NLRP3: variants seen among roughly 807,000 people sequenced by gnomAD.
NLRP3 encodes NLR family pyrin domain containing 3, also known as NACHT, LRR and PYD domains-containing protein 3.
A neutral mutation model predicts 91.3 loss-of-function variants in NLRP3; 48 were observed. The observed-to-expected ratio is 0.53, with a 90% confidence interval of 0.42 to 0.67. The LOEUF is 0.67. NLRP3 is among the 30% of genes least tolerant of loss of function. NLRP3 has a pLI of 0.00. For synonymous variants in NLRP3, 561 were observed against 507.9 expected (o/e 1.10, Z -1.41); for missense variants, 982 against 1,276.9 (o/e 0.77, Z 3.52).
In NLRP3 at chr1:247,443,987, C is replaced by T; in HGVS notation, c.2679C>T (p.Gly893=). The T allele has an allele frequency of 6.2e-7, 1 of 1,614,092 alleles. No individual in the cohort carries two copies. Among genetic ancestry groups the T allele is most frequent in the Non-Finnish European group, 8.5e-7 (1 of 1,179,996 alleles). ...CCTTCTACAGGTTGGTGAATTCTGG[C>T]CTTACGTCAGTCTGTTGTTCAGCTT... The part of the protein sequence containing the change: ...NLQKLGLVNS[G]LTSVCCSALS... The change falls in exon 8 of 10, where the codon GGC becomes GGT. Residue 893 remains glycine, a synonymous_variant. Transcript: ENST00000336119.
Position 247,425,544 on chromosome 1 carries a change from C to T in NLRP3, c.2095C>T (p.Leu699Phe), listed in dbSNP as rs536840312. 2 of 1,612,948 alleles carry T rather than the reference C, an allele frequency of 1.2e-6. No individual in the cohort carries two copies. Among genetic ancestry groups the T allele is most frequent in the East Asian group, 4.5e-5 (2 of 44,876 alleles). Residue 699 changes from leucine to phenylalanine, a missense_variant, in exon 4 of 10, where the codon CTT becomes TTT. Physicochemically the swap from Leu to Phe is conservative, Grantham distance 22. Coordinates refer to ENST00000336119, the MANE Select transcript of NLRP3 (RefSeq NM_001243133.2). The surrounding 1 kb of genome is among the most constrained non-coding windows in gnomAD (Gnocchi z 4.1). ...GGAGGAGGAAAAGGAAGGCCGACAC[C>T]TTGATATGGTGCAGTGTGTCCTCCC... ...EEEEEKEGRH[L>F]DMVQCVLPSS...
chr1:247,431,526 G>A (rs994339610), intron 5 of NLRP3, among the ~76,000 whole-genome samples: 2 of 152,134 alleles, frequency 1.3e-5, no homozygotes, highest in African/African-American at 2.4e-5. Context: ...GCCTGGACAC[G>A]CAGTGACCTC....
At chr1:247,430,546 G>C (rs1558197472) in intron 5 of NLRP3, among the ~76,000 whole-genome samples, 1 of 152,098 alleles carries the variant, frequency 6.6e-6, no homozygotes, top group Non-Finnish European at 1.5e-5. Context: ...AAATTTTTGG[G>C]GGGGCACAGT....
chr1:247,428,887 T>A (rs912632353), intron 4 of NLRP3, among the ~76,000 whole-genome samples: 8 of 101,372 alleles, frequency 7.9e-5, no homozygotes, highest in African/African-American at 2.0e-4. Context: ...GGCTTGCGAT[T>A]TTCTTTTTCT....
At chr1:247,429,819 G>A in intron 5 of NLRP3, 64 bp downstream of exon 5, 1 of 1,577,482 alleles carries the variant, frequency 6.3e-7, no homozygotes, top group East Asian at 2.2e-5. Flanking sequence ...GAGAGAAACA[G>A]ACTGGAGAAA....
chr1:247,445,736 T>G (rs1664546060), intron 9 of NLRP3, among the ~76,000 whole-genome samples: 1 of 152,200 alleles, frequency 6.6e-6, no homozygotes, highest in Non-Finnish European at 1.5e-5. Context: ...CATGCTCTCC[T>G]GGGTTTTCTC....
chr1:247,427,189 G>A (rs1572178692), intron 4 of NLRP3, among the ~76,000 whole-genome samples: 1 of 152,224 alleles, frequency 6.6e-6, no homozygotes, highest in South Asian at 2.1e-4. Flanking sequence ...GCTCTCTGGG[G>A]TCCCTTTCCT....
At position 247,418,998 on chromosome 1, in the gene NLRP3, G is replaced by A; in HGVS notation, c.198G>A (p.Trp66Ter). ...ACTTCAATGGGGAGGAGAAGGCGTGGGCCATGGCCGTGTGGATCTTCGCTG... is the reference window on the plus strand; with the variant it reads ...ACTTCAATGGGGAGGAGAAGGCGTGAGCCATGGCCGTGTGGATCTTCGCTG... ...MIDFNGEEKAWAMAVWIFAAI... is the reference protein window; with the variant it reads ...MIDFNGEEKA The change falls in exon 2 of 10, where the codon TGG becomes TGA. Residue 66 changes from tryptophan (W) to a stop codon, truncating the protein, a stop_gained. Coordinates refer to ENST00000336119, the MANE Select transcript of NLRP3 (RefSeq NM_001243133.2). LOFTEE classifies it high-confidence loss of function. The A allele has an allele frequency of 6.2e-7, 1 of 1,614,000 alleles. No homozygotes were observed. The highest frequency in any genetic ancestry group is 1.3e-5 in the African/African-American group (1 of 75,016).
At chr1:247,444,855 A>T in intron 9 of NLRP3, 34 bp downstream of exon 9, 1 of 1,607,634 alleles carries the variant, frequency 6.2e-7, no homozygotes, top group Non-Finnish European at 8.5e-7. Flanking sequence ...CCGTGGTGGG[A>T]CTCTGAGTTC....
chr1:247,433,954 C>T (rs1663563753), intron 5 of NLRP3, 149 bp from the exon 6 acceptor site: 2 of 518,380 alleles, frequency 3.9e-6, no homozygotes, highest in Non-Finnish European at 3.3e-6. Flanking sequence ...CTGATGCTTT[C>T]TGTATTCCGG....
rs1396610441 is a variant in NLRP3, at chr1:247,429,660, T to G, written c.2226T>G (p.Thr742=). ...FSVLSTSQSL[T]ELDLSDNSLG... ...TTCTGAGCACCAGCCAGAGTCTAAC[T>G]GAATTGGACCTCAGTGACAATTCTC... The change falls in exon 5 of 10, where the codon ACT becomes ACG. Residue 742 remains threonine, a synonymous_variant. Coordinates refer to ENST00000336119, the MANE Select transcript of NLRP3 (RefSeq NM_001243133.2). 5.0e-6 allele frequency: 8 copies of G among 1,614,086 alleles called. No homozygotes were observed. In the African/African-American group the frequency reaches 9.3e-5, roughly 19 times the overall value.
At position 247,418,709 on chromosome 1, in the gene NLRP3, T is replaced by C; in HGVS notation, c.-92T>C. The C allele has an allele frequency of 6.7e-7, 1 of 1,497,062 alleles. No individual in the cohort carries two copies. Among genetic ancestry groups the C allele is most frequent in the Non-Finnish European group, 9.3e-7 (1 of 1,078,954 alleles). 92.7% of individuals were successfully genotyped at this position (1,497,062 alleles called of 1,614,324 possible). ...AATTTATATCTCTCAAAGTGGAGAC[T>C]TTAAAAAAGACTCATCCGTGTGCCG... On this transcript the variant is annotated 5_prime_UTR_variant, in exon 2 of 10. Coordinates refer to ENST00000336119, the MANE Select transcript of NLRP3 (RefSeq NM_001243133.2).
intron 4 of NLRP3, among the ~76,000 whole-genome samples, chr1:247,427,479 G>A (rs1225119529): frequency 2.0e-5 from 3 of 152,244 alleles, no homozygotes; most frequent in East Asian, 1.9e-4. Flanking sequence ...CTGAAGCCCC[G>A]GTAGGAGGCT....
At chr1:247,430,342 T>C (rs1663218622) in intron 5 of NLRP3, among the ~76,000 whole-genome samples, 1 of 152,242 alleles carries the variant, frequency 6.6e-6, no homozygotes, top group South Asian at 2.1e-4. Context: ...CTTCTCCCTG[T>C]GTACTGATGC....
chr1:247,440,253 T>C (rs1664116897), intron 7 of NLRP3, among the ~76,000 whole-genome samples: 2 of 152,226 alleles, frequency 1.3e-5, no homozygotes, highest in Admixed American at 1.3e-4. Context: ...GCAACATTGG[T>C]TTAATTATCA....
chr1:247,423,758 C>G, intron 3 of NLRP3, 89 bp from the exon 4 acceptor site: 2 of 1,164,428 alleles, frequency 1.7e-6, no homozygotes, highest in Non-Finnish European at 2.5e-6. Context: ...TTCCGGTTAC[C>G]ACTCGCTTCC....
Position 247,425,841 on chromosome 1 carries a change from GC to G in NLRP3, c.2150+243del, listed in dbSNP as rs1417482609. 1.8e-6 allele frequency: 1 copy of G among 546,020 alleles called. No individual in the cohort carries two copies. Among genetic ancestry groups the G allele is most frequent in the African/African-American group, 1.9e-5 (1 of 52,820 alleles). 33.8% of individuals were successfully genotyped at this position (546,020 alleles called of 1,614,324 possible). On this transcript the variant is annotated intron_variant, in intron 4 of 9. Coordinates refer to ENST00000336119, the MANE Select transcript of NLRP3 (RefSeq NM_001243133.2). The surrounding 1 kb of genome is among the most constrained non-coding windows in gnomAD (Gnocchi z 4.1). ...CAAATGTTTGGGGAATGCCAGTTTA[GC>G]ACAAGGTATTAAGTAGGATGTAGGA...
chr1:247,439,380 T>C (rs1664046372), intron 7 of NLRP3, among the ~76,000 whole-genome samples: 1 of 152,176 alleles, frequency 6.6e-6, no homozygotes, highest in African/African-American at 2.4e-5. Context: ...GGGGAATCTG[T>C]TCATGCTTCT....
At chr1:247,432,659 A>G (rs1337159326) in intron 5 of NLRP3, among the ~76,000 whole-genome samples, 1 of 152,182 alleles carries the variant, frequency 6.6e-6, no homozygotes, top group Non-Finnish European at 1.5e-5. Flanking sequence ...GATGCTTCGC[A>G]GAGAAGTAGA....
Sources: gnomAD v4.1 joint callset for allele counts (sites outside exome capture counted in the v4.1 genomes callset) on GRCh38, gnomAD v4.1.1 for gene constraint, Gnocchi (gnomAD v3.1) non-coding constraint, MANE v1.5 for transcripts, NCBI Gene and HGNC (gene_info 2026-07-23, HGNC 2026-07-21) for gene names.